The following SLC16A13 variants were observed in gnomAD, a reference collection of about 807,000 sequenced individuals.
The protein encoded by SLC16A13 is solute carrier family 16 member 13, also known as monocarboxylate transporter 13.
In SLC16A13, 28 loss-of-function variants were observed where a neutral mutation model predicts 28.1. The ratio of observed to expected loss-of-function variants is 1.00; its 90% CI spans 0.74 to 1.37. SLC16A13 has a LOEUF of 1.37. SLC16A13 is among the 40% of genes most tolerant of loss of function. The probability of loss-of-function intolerance (pLI) is 0.00; values close to 1 mark genes in which losing one functional copy is unlikely to be tolerated. For missense variants in SLC16A13, 482 were observed against 531.8 expected (o/e 0.91, Z 0.92); for synonymous variants, 228 against 241.6 (o/e 0.94, Z 0.52).
rs1286961135 is a variant in SLC16A13, at chr17:7,038,919, G to C, written c.1081+30G>C. 10 of 1,573,572 alleles carry C rather than the reference G, an allele frequency of 6.4e-6. No individual in the cohort carries two copies. Among genetic ancestry groups the C allele is most frequent in the Non-Finnish European group, 6.9e-6 (8 of 1,161,900 alleles). ...GTGGAATGGGGTTCCCAGGGGGTGA[G>C]GGCTGCCATGTTGCACAACTAGGGG... On this transcript the variant is annotated intron_variant, in intron 3 of 3. Coordinates refer to ENST00000308027, the MANE Select transcript of SLC16A13 (RefSeq NM_201566.3). The surrounding 1 kb of genome is among the most constrained non-coding windows in gnomAD (Gnocchi z 5.7).
In SLC16A13 at chr17:7,039,096, C is replaced by G. The variant is rs1288834324; in HGVS notation, c.1081+207C>G. On this transcript the variant is annotated intron_variant, in intron 3 of 3. Transcript: ENST00000308027. The surrounding 1 kb of genome is among the most constrained non-coding windows in gnomAD (Gnocchi z 4.3). The stretch of plus-strand genomic sequence containing the variant: ...GTCTGAGTGGAAAGACAAAAAGAAG[C>G]TAAGTGGAACCCTTGGCAGGGTGCC... Among the ~76,000 whole-genome samples, 1 of 152,150 alleles carries G rather than the reference C, an allele frequency of 6.6e-6. No individual in the cohort carries two copies. The highest frequency in any genetic ancestry group is 1.5e-5 in the Non-Finnish European group (1 of 68,038).
In SLC16A13 at chr17:7,039,804, G is replaced by A. The variant is rs200850489; in HGVS notation, c.1123G>A (p.Val375Met). Reference protein sequence around the residue: ...DVTGNYTASFVVAGAFLLSGS... With the variant: ...DVTGNYTASFMVAGAFLLSGS... ...GACAGGCAACTACACGGCTTCTTTTGTGGTGGCTGGGGCCTTCCTTCTTTC... is the reference window on the plus strand; with the variant it reads ...GACAGGCAACTACACGGCTTCTTTTATGGTGGCTGGGGCCTTCCTTCTTTC... The change falls in exon 4 of 4, where the codon GTG becomes ATG. Residue 375 changes from valine to methionine, a missense_variant. Val to Met is a conservative substitution (Grantham distance 21, BLOSUM62 1). Coordinates refer to ENST00000308027, the MANE Select transcript of SLC16A13 (RefSeq NM_201566.3). The surrounding 1 kb of genome is among the most constrained non-coding windows in gnomAD (Gnocchi z 4.3). 3.3e-5 allele frequency: 53 copies of A among 1,614,170 alleles called. No individual in the cohort carries two copies. The East Asian group carries it at 4.2e-4, about 13-fold the overall frequency.
In SLC16A13 at chr17:7,036,086, G is replaced by A. The variant is rs949070117; in HGVS notation, c.-297G>A. 2.2e-5 allele frequency: 7 copies of A among 320,572 alleles called. No individual in the cohort carries two copies. Among genetic ancestry groups the A allele is most frequent in the Non-Finnish European group, 4.0e-5 (7 of 173,212 alleles). 19.9% of individuals were successfully genotyped at this position (320,572 alleles called of 1,614,324 possible). On this transcript the variant is annotated 5_prime_UTR_variant, in exon 1 of 4. Coordinates refer to ENST00000308027, the MANE Select transcript of SLC16A13 (RefSeq NM_201566.3). The stretch of plus-strand genomic sequence containing the variant: ...ACCCTCTGGCTCCCAGCCGAACACC[G>A]AACCGGGACCGATCCGGCCCCGGCT...
Position 7,038,841 on chromosome 17 carries a change from T to C in SLC16A13, c.1033T>C (p.Leu345=). 9 of 1,613,766 alleles carry C rather than the reference T, an allele frequency of 5.6e-6. No individual in the cohort carries two copies. In the South Asian group the frequency reaches 9.9e-5, roughly 18 times the overall value. ...TRRIYCGLGL[L]QMIESIGGLL... ...AAGGATTTACTGTGGCCTGGGACTG[T>C]TGCAGATGATAGAGAGCATCGGGGG... Residue 345 remains leucine, a synonymous_variant, in exon 3 of 4, where the codon TTG becomes CTG. Coordinates refer to ENST00000308027, the MANE Select transcript of SLC16A13 (RefSeq NM_201566.3). This position sits in a 1 kb window ranked among gnomAD's most constrained non-coding sequence, Gnocchi z 5.7.
At position 7,038,251 on chromosome 17, in the gene SLC16A13, T is replaced by A. The variant is rs1351468002; in HGVS notation, c.443T>A (p.Val148Glu). 1 of 1,614,148 alleles carries A rather than the reference T, an allele frequency of 6.2e-7. No homozygotes were observed. Among genetic ancestry groups the A allele is most frequent in the Non-Finnish European group, 8.5e-7 (1 of 1,180,030 alleles). Residue 148 changes from valine (V) to glutamate (E), a missense_variant, in exon 3 of 4, where the codon GTG (valine) becomes GAG (glutamate). Physicochemically the swap from Val to Glu is moderately radical, Grantham distance 121. Transcript: ENST00000308027. This position sits in a 1 kb window ranked among gnomAD's most constrained non-coding sequence, Gnocchi z 5.7. ...GCCACCGGGCTGGCACTGACAGGCG[T>A]GGGCCTCTCCTCCTTCACATTTGCC... ...SLATGLALTG[V>E]GLSSFTFAPF... is the part of the protein sequence containing the mutation.
Position 7,039,935 on chromosome 17 carries a change from A to C in SLC16A13, c.1254A>C (p.Leu418=). The change falls in exon 4 of 4, where the codon CTA becomes CTC. Residue 418 remains leucine, a synonymous_variant. Coordinates refer to ENST00000308027, the MANE Select transcript of SLC16A13 (RefSeq NM_201566.3). This position sits in a 1 kb window ranked among gnomAD's most constrained non-coding sequence, Gnocchi z 4.3. ...VTEALDTKVP[L]PKEGLEED ...AAGCACTAGATACTAAAGTTCCCCT[A>C]CCCAAGGAGGGGCTGGAAGAGGACT... The C allele has an allele frequency of 6.2e-7, 1 of 1,613,802 alleles. No homozygotes were observed.
Position 7,038,664 on chromosome 17 carries a change from C to T in SLC16A13, c.856C>T (p.Leu286Phe). Reference sequence around the variant, plus strand: ...AGGGCCTGTGACACGACTCCTGATGCTCTGGACCACCTTGACTGGGGTGTC... The same window carrying T: ...AGGGCCTGTGACACGACTCCTGATGTTCTGGACCACCTTGACTGGGGTGTC... The part of the protein sequence containing the change: ...VPGPVTRLLM[L>F]WTTLTGVSLA... The change falls in exon 3 of 4, where the codon CTC becomes TTC. Residue 286 changes from leucine (L) to phenylalanine (F), a missense_variant. By Grantham distance (22) the Leu-to-Phe change is conservative. Coordinates refer to ENST00000308027, the MANE Select transcript of SLC16A13 (RefSeq NM_201566.3). This position sits in a 1 kb window ranked among gnomAD's most constrained non-coding sequence, Gnocchi z 5.7. 1 of 1,614,200 alleles carries T rather than the reference C, an allele frequency of 6.2e-7. No homozygotes were observed. The highest frequency in any genetic ancestry group is 8.5e-7 in the Non-Finnish European group (1 of 1,180,034).
Position 7,036,570 on chromosome 17 carries a change from A to C in SLC16A13, c.188A>C (p.Gln63Pro). Residue 63 changes from glutamine (Q) to proline (P), a missense_variant, in exon 1 of 4, where the codon CAG becomes CCG. Coordinates refer to ENST00000308027, the MANE Select transcript of SLC16A13 (RefSeq NM_201566.3). ...SWIASIGIAV[Q>P]QFGSPVGSAL... ...ATCGCCTCCATAGGAATCGCGGTGC[A>C]GCAGTTTGGGAGTGAGTGCGGCGCC... 1.2e-6 allele frequency: 2 copies of C among 1,612,418 alleles called. No individual in the cohort carries two copies. Among genetic ancestry groups the C allele is most frequent in the Non-Finnish European group, 1.7e-6 (2 of 1,180,020 alleles).
In SLC16A13 at chr17:7,039,647, TG is replaced by T; in HGVS notation, c.1082-113del. 9.4e-7 allele frequency: 1 copy of T among 1,064,956 alleles called. No individual in the cohort carries two copies. Among genetic ancestry groups the T allele is most frequent in the Non-Finnish European group, 1.4e-6 (1 of 721,800 alleles). 66.0% of individuals were successfully genotyped at this position (1,064,956 alleles called of 1,614,324 possible). On this transcript the variant is annotated intron_variant, in intron 3 of 3. Coordinates refer to ENST00000308027, the MANE Select transcript of SLC16A13 (RefSeq NM_201566.3). This position sits in a 1 kb window ranked among gnomAD's most constrained non-coding sequence, Gnocchi z 4.3. The stretch of plus-strand genomic sequence containing the variant: ...TTCTTAAGTTTATCCAACTATTCCA[TG>T]GGAGTTCCAACTCCTCTGAGATGAT...
Position 7,039,425 on chromosome 17 carries a change from A to T in SLC16A13, c.1082-338A>T, listed in dbSNP as rs1049095247. 6.6e-6 allele frequency among the ~76,000 whole-genome samples: 1 copy of T among 150,996 alleles called. No individual in the cohort carries two copies. Among genetic ancestry groups the T allele is most frequent in the Non-Finnish European group, 1.5e-5 (1 of 67,876 alleles). ...CAGTGAGCTGAGATCGCGCCACTGC[A>T]CTTCAGCCTGGGCGACAGAGCGAGA... On this transcript the variant is annotated intron_variant, in intron 3 of 3. Transcript: ENST00000308027. This position sits in a 1 kb window ranked among gnomAD's most constrained non-coding sequence, Gnocchi z 4.3.
At chr17:7,037,999 G>T (rs1910627202) in intron 2 of SLC16A13, among the ~76,000 whole-genome samples, 153 bp from the exon 3 acceptor site, 1 of 152,208 alleles carries the variant, frequency 6.6e-6, no homozygotes, top group African/African-American at 2.4e-5. Flanking sequence ...AACACACAAG[G>T]TTACACAGCT....
chr17:7,036,924 A>C (rs1910597338), intron 2 of SLC16A13, 54 bp downstream of exon 2: 2 of 1,590,158 alleles, frequency 1.3e-6, no homozygotes, highest in Non-Finnish European at 1.7e-6. Context: ...TTGGATGTTC[A>C]CCTCCTTCCT....
In SLC16A13 at chr17:7,038,943, G is replaced by T; in HGVS notation, c.1081+54G>T. 6.4e-7 allele frequency: 1 copy of T among 1,553,872 alleles called. No individual in the cohort carries two copies. Among genetic ancestry groups the T allele is most frequent in the East Asian group, 2.2e-5 (1 of 44,610 alleles). ...AGGGCTGCCATGTTGCACAACTAGGGGAGGGTACTATTCTCATTACAGTGT... is the reference window on the plus strand; with the variant it reads ...AGGGCTGCCATGTTGCACAACTAGGTGAGGGTACTATTCTCATTACAGTGT... On this transcript the variant is annotated intron_variant, in intron 3 of 3. Transcript: ENST00000308027. This position sits in a 1 kb window ranked among gnomAD's most constrained non-coding sequence, Gnocchi z 5.7.
At position 7,039,650 on chromosome 17, in the gene SLC16A13, G is replaced by A. The variant is rs1031987906; in HGVS notation, c.1082-113G>A. The A allele has an allele frequency of 9.2e-7, 1 of 1,084,774 alleles. No homozygotes were observed. Among genetic ancestry groups the A allele is most frequent in the African/African-American group, 1.6e-5 (1 of 63,320 alleles). The allele number at this position is 1,084,774 out of a possible 1,614,324, so 67.2% of individuals were successfully genotyped here. On this transcript the variant is annotated intron_variant, in intron 3 of 3. Coordinates refer to ENST00000308027, the MANE Select transcript of SLC16A13 (RefSeq NM_201566.3). The surrounding 1 kb of genome is among the most constrained non-coding windows in gnomAD (Gnocchi z 4.3). ...TTAAGTTTATCCAACTATTCCATGG[G>A]AGTTCCAACTCCTCTGAGATGATAA... is the stretch of plus-strand genomic sequence containing the variant.
In SLC16A13 at chr17:7,036,844, T is replaced by A. The variant is rs1416194389; in HGVS notation, c.317T>A (p.Leu106Gln). The A allele has an allele frequency of 6.2e-7, 1 of 1,613,292 alleles. No individual in the cohort carries two copies. The highest frequency in any genetic ancestry group is 8.5e-7 in the Non-Finnish European group (1 of 1,180,040). Residue 106 changes from leucine (L) to glutamine (Q), a missense_variant, in exon 2 of 4, where the codon CTA becomes CAA. Coordinates refer to ENST00000308027, the MANE Select transcript of SLC16A13 (RefSeq NM_201566.3). Reference protein sequence around the residue: ...LASFATSLTHLYLSIGLLSGS... With the variant: ...LASFATSLTHQYLSIGLLSGS... ...TCTTTTGCTACTTCCTTGACCCACC[T>A]ATACCTGAGTATTGGGTTGCTGTCA...
chr17:7,036,985 C>G, intron 2 of SLC16A13, 115 bp downstream of exon 2: 3 of 1,269,408 alleles, frequency 2.4e-6, no homozygotes, highest in Non-Finnish European at 3.3e-6. Context: ...TAGCTAGCAC[C>G]TGTACCCAGA....
chr17:7,040,069 C>G lies in SLC16A13; in HGVS notation c.*107C>G. ...CAGTGCCTTAAGATTCTTGATCTGCCTCCCCCTAGAGCAGGCCTGGGGCTC... is the reference window on the plus strand; with the variant it reads ...CAGTGCCTTAAGATTCTTGATCTGCGTCCCCCTAGAGCAGGCCTGGGGCTC... On this transcript the variant is annotated 3_prime_UTR_variant, in exon 4 of 4. Transcript: ENST00000308027. 9.7e-7 allele frequency: 1 copy of G among 1,031,514 alleles called. No homozygotes were observed. The highest frequency in any genetic ancestry group is 1.4e-6 in the Non-Finnish European group (1 of 696,328). 63.9% of individuals were successfully genotyped at this position (1,031,514 alleles called of 1,614,324 possible). A position where few individuals can be genotyped will look rare whatever the true frequency, so the allele number is the denominator to read the frequency against.
chr17:7,037,507 A>G (rs915507014), intron 2 of SLC16A13, among the ~76,000 whole-genome samples: 49 of 151,964 alleles, frequency 3.2e-4, no homozygotes, highest in Non-Finnish European at 5.9e-4. Context: ...CGGGCGGATC[A>G]CGAGGTCAGG....
rs1910577354 is a variant in SLC16A13 at position 7,036,323 on chromosome 17, G to A, written c.-60G>A. The A allele has an allele frequency of 3.3e-6, 5 of 1,522,736 alleles. No homozygotes were observed. Among genetic ancestry groups the A allele is most frequent in the Non-Finnish European group, 4.4e-6 (5 of 1,128,662 alleles). The allele number at this position is 1,522,736 out of a possible 1,614,324, so 94.3% of individuals were successfully genotyped here. On this transcript the variant is annotated 5_prime_UTR_variant, in exon 1 of 4. Transcript: ENST00000308027. ...AGCGGGGGTGGGTGTGCAGAGGTGC[G>A]GCGTCCAGAACCCGGCTCCTGCAGA...
Sources: gnomAD v4.1 joint callset for allele counts (sites outside exome capture counted in the v4.1 genomes callset) on GRCh38, gnomAD v4.1.1 for gene constraint, Gnocchi (gnomAD v3.1) non-coding constraint, MANE v1.5 for transcripts, NCBI Gene and HGNC (gene_info 2026-07-23, HGNC 2026-07-21) for gene names.